The following ATP13A4 variants were observed in gnomAD, a reference collection of about 807,000 sequenced individuals.
The protein encoded by ATP13A4 is probable cation-transporting ATPase 13A4.
A neutral mutation model predicts 142.5 loss-of-function variants in ATP13A4; 114 were observed. The ratio of observed to expected loss-of-function variants is 0.80; its 90% CI spans 0.69 to 0.93. The LOEUF (loss-of-function observed/expected upper bound fraction) is 0.93. Ranked by LOEUF, ATP13A4 falls within the 40% of genes least tolerant of loss-of-function variation. ATP13A4 has a pLI of 0.00. For missense variants in ATP13A4, 1,392 were observed against 1,454.0 expected (o/e 0.96, Z 0.69); for synonymous variants, 488 against 514.8 (o/e 0.95, Z 0.70).
intron 2 of ATP13A4, among the ~76,000 whole-genome samples, chr3:193,561,424 T>G (rs1724014533): frequency 6.6e-6 from 1 of 152,184 alleles, no homozygotes; most frequent in South Asian, 2.1e-4. Context: ...GCTGGTTACC[T>G]CTTTCATCAG....
At chr3:193,446,783 A>G (rs180979764) in intron 18 of ATP13A4, among the ~76,000 whole-genome samples, 44 of 152,350 alleles carry the variant, frequency 2.9e-4, no homozygotes, top group Non-Finnish European at 5.6e-4. Context: ...ACATTTCTAA[A>G]TTTCAAAGTT....
chr3:193,503,995 A>ATGTGTGTGTGTGTGTGTGTGTGTGTGTG (rs554927410), intron 2 of ATP13A4, among the ~76,000 whole-genome samples: 3 of 136,086 alleles, frequency 2.2e-5, no homozygotes, highest in African/African-American at 8.4e-5. Context: ...TTCTGTGTGC[A>ATGTGTGTGTGTGTGTGTGTGTGTGTGTG]TGTGTGTGTG....
chr3:193,552,235 G>A (rs1723621137), intron 1 of ATP13A4, among the ~76,000 whole-genome samples: 1 of 152,182 alleles, frequency 6.6e-6, no homozygotes, highest in African/African-American at 2.4e-5. Flanking sequence ...GCCTCCCAAA[G>A]TGCTGGGATT....
At chr3:193,403,781 A>C in intron 29 of ATP13A4, 1 of 985,192 alleles carries the variant, frequency 1.0e-6, no homozygotes, top group Non-Finnish European at 1.2e-6. Context: ...AAGATTGACC[A>C]TCTTAGAGGT....
At chr3:193,573,186 C>T (rs1232170642) in intron 2 of ATP13A4, among the ~76,000 whole-genome samples, 1 of 147,778 alleles carries the variant, frequency 6.8e-6, no homozygotes, top group African/African-American at 2.5e-5. Flanking sequence ...GTGACCAAAA[C>T]TTTAAGAAAT....
intron 7 of ATP13A4, among the ~76,000 whole-genome samples, chr3:193,486,761 C>A (rs1346949531): frequency 1.3e-5 from 2 of 151,998 alleles, no homozygotes; most frequent in East Asian, 1.9e-4. Flanking sequence ...TTAGCATATG[C>A]CTTTAGAAGT....
chr3:193,416,904 C>A (rs1176597883), intron 25 of ATP13A4: 1 of 152,134 alleles, frequency 6.6e-6, no homozygotes, highest in Non-Finnish European at 1.5e-5. Context: ...ATGAGATTCA[C>A]ATCAAGACAT....
At chr3:193,517,189 T>C (rs939154952) in intron 1 of ATP13A4, among the ~76,000 whole-genome samples, 3 of 152,220 alleles carry the variant, frequency 2.0e-5, no homozygotes, top group Non-Finnish European at 4.4e-5. Flanking sequence ...TTCAGTTCAA[T>C]TTAACAAATG....
In ATP13A4 at chr3:193,457,402, T is replaced by A. The variant is rs535342472; in HGVS notation, c.1738A>T (p.Lys580Ter). The A allele has an allele frequency of 6.2e-7, 1 of 1,614,196 alleles. No individual in the cohort carries two copies. Among genetic ancestry groups the A allele is most frequent in the East Asian group, 2.2e-5 (1 of 44,878 alleles). The change falls in exon 15 of 30, where the codon AAG becomes TAG. Residue 580 changes from lysine (K) to a stop codon, truncating the protein, a stop_gained. Coordinates refer to ENST00000342695, the MANE Select transcript of ATP13A4 (RefSeq NM_032279.4). LOFTEE classifies it high-confidence loss of function. ...ACCTGGCTGGCTGTTCTGCAGGGCT[T>A]AACTACCATGGCATGTGCCGGCACT... ...KGVPAHAMVV[K>*]PCRTASQVPV... is the part of the protein sequence containing the mutation.
chr3:193,562,811 C>G (rs1017431942), intron 2 of ATP13A4, among the ~76,000 whole-genome samples: 2 of 152,166 alleles, frequency 1.3e-5, no homozygotes, highest in Non-Finnish European at 2.9e-5. Flanking sequence ...GCAGAGGTTG[C>G]AGTGAGCTGA....
intron 1 of ATP13A4, among the ~76,000 whole-genome samples, chr3:193,541,197 C>A (rs956468678): frequency 5.7e-5 from 8 of 140,972 alleles, no homozygotes; most frequent in African/African-American, 2.1e-4. Context: ...TGCAGTGAGC[C>A]GAGATCGAGC....
chr3:193,554,372 T>C (rs1723770948), intron 1 of ATP13A4: 1 of 338,288 alleles, frequency 3.0e-6, no homozygotes, highest in Non-Finnish European at 5.7e-6. Context: ...AATACACTGC[T>C]CCTCACATTA....
At chr3:193,567,864 C>T (rs1487696191) in intron 2 of ATP13A4, among the ~76,000 whole-genome samples, 1 of 152,184 alleles carries the variant, frequency 6.6e-6, no homozygotes, top group Non-Finnish European at 1.5e-5. Context: ...CAAACAGACT[C>T]CCCTTCTTCT....
At chr3:193,410,930 T>C (rs1212652221) in intron 28 of ATP13A4, 52 bp downstream of exon 28, 1 of 1,196,896 alleles carries the variant, frequency 8.4e-7, no homozygotes, top group Non-Finnish European at 1.2e-6. Flanking sequence ...TTTTTAAAGT[T>C]AAACTGTTAC....
chr3:193,464,785 G>C (rs148342639), intron 12 of ATP13A4, among the ~76,000 whole-genome samples, 155 bp downstream of exon 12: 19 of 152,258 alleles, frequency 1.2e-4, no homozygotes, highest in African/African-American at 4.3e-4. Flanking sequence ...GAGCTCAAGA[G>C]ACATATCTTT....
chr3:193,425,016 A>G (rs1400913844), intron 25 of ATP13A4, among the ~76,000 whole-genome samples: 3 of 149,314 alleles, frequency 2.0e-5, no homozygotes, highest in Non-Finnish European at 4.5e-5. Flanking sequence ...TAATAAAATA[A>G]TTCAATTAAA....
intron 6 of ATP13A4, among the ~76,000 whole-genome samples, chr3:193,490,464 T>C (rs894638339): frequency 2.0e-5 from 3 of 152,256 alleles, no homozygotes; most frequent in East Asian, 3.8e-4. Flanking sequence ...GAAGACTGCA[T>C]GTTCTCATAA....
chr3:193,494,548 A>G (rs118144303), intron 3 of ATP13A4, among the ~76,000 whole-genome samples: 1 of 152,196 alleles, frequency 6.6e-6, no homozygotes, highest in East Asian at 1.9e-4. Flanking sequence ...CAAAGAAATT[A>G]AAAGAGACAT....
At chr3:193,470,487 A>G (rs896627454) in intron 9 of ATP13A4, among the ~76,000 whole-genome samples, 1 of 152,224 alleles carries the variant, frequency 6.6e-6, no homozygotes, top group African/African-American at 2.4e-5. Flanking sequence ...CTCCAAGTTT[A>G]TTTAAAAACA....
Sources: gnomAD v4.1 joint callset for allele counts (sites outside exome capture counted in the v4.1 genomes callset) on GRCh38, gnomAD v4.1.1 for gene constraint, MANE v1.5 for transcripts, NCBI Gene and HGNC (gene_info 2026-07-23, HGNC 2026-07-21) for gene names.